Variants in PTPRT observed in about 807,000 individuals in gnomAD.
The protein encoded by PTPRT is protein tyrosine phosphatase receptor type T.
Under a neutral mutation model 176.8 loss-of-function variants are expected in PTPRT, and 56 were observed. That is an observed-to-expected ratio of 0.32 (90% CI 0.26 to 0.40). The LOEUF (loss-of-function observed/expected upper bound fraction) is 0.40. PTPRT is among the 10% of genes least tolerant of loss of function. The pLI is 1.00. For synonymous variants in PTPRT, 783 were observed against 739.0 expected (o/e 1.06, Z -0.96); for missense variants, 1,540 against 1,908.2 (o/e 0.81, Z 3.60).
At chr20:42,050,327 A>G in the PTPRT span, among the ~76,000 whole-genome samples, 1 of 152,144 alleles carries the variant, frequency 6.6e-6, no homozygotes, top group Non-Finnish European at 1.5e-5. Context: ...TTGCCTAGAC[A>G]CTGTTTTAAG....
intron 6 of PTPRT, among the ~76,000 whole-genome samples, chr20:42,721,039 G>T (rs1201947052): frequency 2.6e-5 from 4 of 151,682 alleles, no homozygotes. Context: ...GAGGAATGTG[G>T]GACAGAACGA....
intron 1 of PTPRT, among the ~76,000 whole-genome samples, chr20:43,117,252 T>C (rs899654496): frequency 2.0e-5 from 3 of 152,250 alleles, no homozygotes; most frequent in Middle Eastern, 3.4e-3. Flanking sequence ...TCAACTTATG[T>C]GGATAAAGGG....
At chr20:42,592,598 T>C (rs1297457586) in intron 7 of PTPRT, among the ~76,000 whole-genome samples, 1 of 152,184 alleles carries the variant, frequency 6.6e-6, no homozygotes, top group African/African-American at 2.4e-5. Context: ...TCAAGCATTT[T>C]TCAGAACAAG....
chr20:42,630,635 C>G (rs1461674072), intron 7 of PTPRT, among the ~76,000 whole-genome samples: 1 of 152,130 alleles, frequency 6.6e-6, no homozygotes, highest in Admixed American at 6.5e-5. Flanking sequence ...AATTTCAAAA[C>G]TTAATTCATC....
intron 2 of PTPRT, among the ~76,000 whole-genome samples, chr20:42,880,297 C>A (rs1180880782): frequency 1.3e-5 from 2 of 152,184 alleles, no homozygotes; most frequent in African/African-American, 4.8e-5. Flanking sequence ...GGAGCTCCAA[C>A]AGTGCCTAAA....
chr20:42,056,138 T>G, the PTPRT span, among the ~76,000 whole-genome samples: 1 of 152,178 alleles, frequency 6.6e-6, no homozygotes, highest in African/African-American at 2.4e-5. Context: ...GAATTTAGAT[T>G]AGTTTGACCT....
intron 1 of PTPRT, among the ~76,000 whole-genome samples, chr20:43,131,483 A>G (rs566114678): frequency 6.6e-6 from 1 of 152,358 alleles, no homozygotes; most frequent in African/African-American, 2.4e-5. Flanking sequence ...AATTTGAAAA[A>G]TCTGACTTGA....
At chr20:42,210,187 T>C (rs1380108112) in intron 15 of PTPRT, among the ~76,000 whole-genome samples, 1 of 152,146 alleles carries the variant, frequency 6.6e-6, no homozygotes, top group African/African-American at 2.4e-5. Flanking sequence ...CCACAGCCAA[T>C]ATCATACTGA....
intron 7 of PTPRT, among the ~76,000 whole-genome samples, chr20:42,613,795 T>C (rs1403618727): frequency 2.0e-5 from 3 of 152,180 alleles, no homozygotes; most frequent in Non-Finnish European, 2.9e-5. Flanking sequence ...TCTTCTGTTT[T>C]ATCTCCTTTC....
intron 7 of PTPRT, among the ~76,000 whole-genome samples, chr20:42,621,598 G>C (rs1406915920): frequency 6.6e-6 from 1 of 152,160 alleles, no homozygotes; most frequent in Non-Finnish European, 1.5e-5. Flanking sequence ...CTTGGCTTCT[G>C]AGTGATCCTA....
chr20:42,254,942 G>A (rs188158112), intron 13 of PTPRT, among the ~76,000 whole-genome samples: 1 of 152,248 alleles, frequency 6.6e-6, no homozygotes, highest in East Asian at 1.9e-4. Flanking sequence ...TACTCTTGGT[G>A]AGAGAAATTA....
intron 1 of PTPRT, among the ~76,000 whole-genome samples, chr20:42,970,480 T>A (rs1433625321): frequency 1.3e-5 from 2 of 152,192 alleles, no homozygotes; most frequent in Non-Finnish European, 2.9e-5. Context: ...AAATCCTGGG[T>A]CAGCCACTTA....
chr20:42,805,122 G>A (rs1600763838), intron 2 of PTPRT, among the ~76,000 whole-genome samples: 1 of 152,228 alleles, frequency 6.6e-6, no homozygotes, highest in Middle Eastern at 3.4e-3. Flanking sequence ...AGGGAGCATG[G>A]GAAAATATTC....
chr20:43,107,771 A>G (rs897739687), intron 1 of PTPRT, among the ~76,000 whole-genome samples: 4 of 152,216 alleles, frequency 2.6e-5, no homozygotes, highest in African/African-American at 9.6e-5. Flanking sequence ...AAAACTCGTA[A>G]CATAGCTGTG....
intron 13 of PTPRT, among the ~76,000 whole-genome samples, chr20:42,278,474 C>T (rs971810380): frequency 1.3e-5 from 2 of 151,638 alleles, no homozygotes; most frequent in African/African-American, 4.8e-5. Context: ...GATCAGATCA[C>T]GCAGGCAAGA....
chr20:42,870,259 C>T (rs2078822407), intron 2 of PTPRT, among the ~76,000 whole-genome samples: 1 of 152,160 alleles, frequency 6.6e-6, no homozygotes, highest in Non-Finnish European at 1.5e-5. Flanking sequence ...TCATACAGTA[C>T]ATGTTATTGA....
chr20:42,188,659 T>C (rs1990874773), intron 16 of PTPRT, among the ~76,000 whole-genome samples: 2 of 152,218 alleles, frequency 1.3e-5, no homozygotes, highest in South Asian at 4.1e-4. Context: ...TTTATTCTGC[T>C]ACCTAGCAAC....
intron 2 of PTPRT, among the ~76,000 whole-genome samples, chr20:42,808,410 G>C (rs1304432525): frequency 9.9e-5 from 15 of 152,184 alleles, no homozygotes; most frequent in African/African-American, 3.4e-4. Context: ...TCCAGGTAGA[G>C]AAGGAACGAT....
intron 1 of PTPRT, among the ~76,000 whole-genome samples, chr20:43,176,223 G>A (rs1325580387): frequency 1.8e-5 from 2 of 108,248 alleles, no homozygotes; most frequent in African/African-American, 7.0e-5. Flanking sequence ...ACTCTAGCCT[G>A]GCAACAGAGC....
Sources: gnomAD v4.1 joint callset for allele counts (sites outside exome capture counted in the v4.1 genomes callset) on GRCh38, gnomAD v4.1.1 for gene constraint, MANE v1.5 for transcripts, NCBI Gene and HGNC (gene_info 2026-07-23, HGNC 2026-07-21) for gene names.